Variants in AK8 observed in about 807,000 individuals in gnomAD.
AK8 encodes the protein ATP-AMP transphosphorylase 8.
In AK8, 44 loss-of-function variants were observed where a neutral mutation model predicts 54.6. The observed-to-expected ratio is 0.81, with a 90% CI of 0.63 to 1.04. The LOEUF is 1.04. Ranked by LOEUF, AK8 falls within the 50% of genes least tolerant of loss-of-function variation. AK8 has a pLI of 0.00. For missense variants in AK8, 555 were observed against 613.6 expected (o/e 0.90, Z 1.01); for synonymous variants, 239 against 245.6 (o/e 0.97, Z 0.25).
At chr9:132,805,506 C>T (rs927337016) in intron 10 of AK8, among the ~76,000 whole-genome samples, 1 of 152,178 alleles carries the variant, frequency 6.6e-6, no homozygotes, top group African/African-American at 2.4e-5. Flanking sequence ...CCTCAGTTTC[C>T]CCACTGGACT....
intron 10 of AK8, among the ~76,000 whole-genome samples, chr9:132,813,433 A>C (rs1435701230): frequency 6.6e-6 from 1 of 152,216 alleles, no homozygotes; most frequent in Non-Finnish European, 1.5e-5. Flanking sequence ...GAAGGCCACA[A>C]GCTTCCACCA....
chr9:132,814,804 G>T, intron 9 of AK8, 77 bp from the exon 10 acceptor site: 1 of 1,292,056 alleles, frequency 7.7e-7, no homozygotes, highest in Non-Finnish European at 1.1e-6. Context: ...AACCCCCAGT[G>T]CTGCCTGCTG....
At chr9:132,850,324 C>T (rs562853826) in intron 5 of AK8, among the ~76,000 whole-genome samples, 6 of 138,990 alleles carry the variant, frequency 4.3e-5, no homozygotes, top group South Asian at 4.7e-4. Flanking sequence ...TGAGTCGTTG[C>T]GATAGAAGCC....
At chr9:132,850,054 A>ATTT (rs779350912) in intron 5 of AK8, among the ~76,000 whole-genome samples, 26 of 101,372 alleles carry the variant, frequency 2.6e-4, no homozygotes, top group Middle Eastern at 0.015. Context: ...ACCCTAGTAC[A>ATTT]TTTTTTTTTT....
intron 11 of AK8, among the ~76,000 whole-genome samples, chr9:132,755,654 T>C (rs1269193278): frequency 1.3e-5 from 2 of 152,120 alleles, no homozygotes; most frequent in African/African-American, 4.8e-5. Context: ...GCTATAGAAG[T>C]GGTGGCCCCA....
intron 4 of AK8, among the ~76,000 whole-genome samples, chr9:132,861,889 C>G (rs1240332800): frequency 6.6e-6 from 1 of 152,210 alleles, no homozygotes; most frequent in East Asian, 1.9e-4. Context: ...GGCCTTTCAT[C>G]TTCCCTCCAC....
intron 11 of AK8, among the ~76,000 whole-genome samples, chr9:132,730,476 C>T (rs1384246241): frequency 2.1e-5 from 3 of 143,934 alleles, no homozygotes; most frequent in African/African-American, 5.1e-5. Context: ...AAAAACTCAT[C>T]TAACTGGTAG....
intron 10 of AK8, among the ~76,000 whole-genome samples, chr9:132,795,703 C>T (rs981210356): frequency 4.6e-5 from 7 of 152,078 alleles, no homozygotes; most frequent in African/African-American, 1.7e-4. Flanking sequence ...CCAAGGCCCC[C>T]GGGCTCCTGA....
intron 11 of AK8, among the ~76,000 whole-genome samples, chr9:132,762,371 G>A (rs111621275): frequency 1.3e-5 from 2 of 152,078 alleles, no homozygotes; most frequent in African/African-American, 2.4e-5. Flanking sequence ...CTTCTTTTGA[G>A]ATTTATTTTT....
intron 11 of AK8, among the ~76,000 whole-genome samples, chr9:132,779,133 T>C (rs1420483264): frequency 6.6e-6 from 1 of 152,168 alleles, no homozygotes; most frequent in Non-Finnish European, 1.5e-5. Flanking sequence ...TACCAACCCA[T>C]AGTGAGTAGA....
At chr9:132,871,413 G>A (rs1213709996) in intron 2 of AK8, among the ~76,000 whole-genome samples, 1 of 152,196 alleles carries the variant, frequency 6.6e-6, no homozygotes, top group African/African-American at 2.4e-5. Flanking sequence ...CATTTCAGTG[G>A]TTGGGGCTTG....
chr9:132,757,789 G>A (rs1004500070), intron 11 of AK8, among the ~76,000 whole-genome samples: 11 of 152,138 alleles, frequency 7.2e-5, no homozygotes, highest in Non-Finnish European at 1.0e-4. Flanking sequence ...TAGAACTGCC[G>A]TGGGTAATAT....
intron 5 of AK8, among the ~76,000 whole-genome samples, chr9:132,853,352 C>A (rs111817857): frequency 1.8e-5 from 2 of 108,702 alleles, no homozygotes; most frequent in African/African-American, 3.4e-5. Flanking sequence ...AATGAGACTC[C>A]GCCTCAAAAA....
At chr9:132,750,846 G>T (rs1374959809) in intron 11 of AK8, among the ~76,000 whole-genome samples, 1 of 151,954 alleles carries the variant, frequency 6.6e-6, no homozygotes, top group Admixed American at 6.6e-5. Context: ...AAGAAACCTC[G>T]ATTTGTGGGG....
chr9:132,800,887 G>C (rs1332909762), intron 10 of AK8, among the ~76,000 whole-genome samples: 1 of 150,682 alleles, frequency 6.6e-6, no homozygotes, highest in Non-Finnish European at 1.5e-5. Context: ...CTGAGGGGCA[G>C]AGATGCCCAA....
intron 5 of AK8, among the ~76,000 whole-genome samples, chr9:132,850,019 T>C (rs1842907994): frequency 6.6e-6 from 1 of 151,264 alleles, no homozygotes; most frequent in Admixed American, 6.6e-5. Flanking sequence ...AGTGCTGGGA[T>C]TACAGGCATT....
intron 5 of AK8, among the ~76,000 whole-genome samples, chr9:132,846,511 GAATGA>G (rs1564435587): frequency 1.1e-4 from 1 of 8,774 alleles, no homozygotes; most frequent in East Asian, 3.9e-3. Flanking sequence ...ATAGATGAAT[GAATGA>G]ATGAATGAAT....
chr9:132,784,648 T>C (rs1055696222), intron 11 of AK8, among the ~76,000 whole-genome samples: 1 of 151,934 alleles, frequency 6.6e-6, no homozygotes, highest in Non-Finnish European at 1.5e-5. Context: ...GGGGAGGAGC[T>C]TGGGGAGAGA....
In AK8 at chr9:132,802,100, T is replaced by C. The variant is rs1307958433; in HGVS notation, c.980-9325A>G. Among the ~76,000 whole-genome samples, 5 of 152,214 alleles carry C rather than the reference T, an allele frequency of 3.3e-5. No homozygotes were observed. In the South Asian group the frequency reaches 1.0e-3, roughly 32 times the overall value. ...CTTCCTCCTCTTCATGGGGACAAAA[T>C]TGGGCTCCAAAGCCACGGAGGTATT... On this transcript the variant is annotated intron_variant, in intron 10 of 12. Coordinates refer to ENST00000298545, the MANE Select transcript of AK8 (RefSeq NM_152572.3).
Sources: gnomAD v4.1 joint callset for allele counts (sites outside exome capture counted in the v4.1 genomes callset) on GRCh38, gnomAD v4.1.1 for gene constraint, MANE v1.5 for transcripts, NCBI Gene and HGNC (gene_info 2026-07-23, HGNC 2026-07-21) for gene names.